ROR2: variants seen among roughly 807,000 people sequenced by gnomAD.
ROR2 encodes the protein tyrosine-protein kinase transmembrane receptor ROR2.
In ROR2, 33 loss-of-function variants were observed where a neutral mutation model predicts 74.9. The observed-to-expected ratio is 0.44, with a 90% CI of 0.33 to 0.59. ROR2 has a LOEUF of 0.59. Ranked by LOEUF, ROR2 falls within the 20% of genes least tolerant of loss-of-function variation. The pLI is 0.02. For synonymous variants in ROR2, 586 were observed against 558.7 expected (o/e 1.05, Z -0.69); for missense variants, 1,216 against 1,313.8 (o/e 0.93, Z 1.15).
chr9:91,910,473 A>G (rs1438823861), intron 1 of ROR2, among the ~76,000 whole-genome samples: 2 of 130,136 alleles, frequency 1.5e-5, no homozygotes, highest in African/African-American at 2.5e-5. Context: ...AAAAACAGAC[A>G]AACTGGACTA....
At chr9:91,863,780 T>C (rs1392281391) in intron 1 of ROR2, among the ~76,000 whole-genome samples, 1 of 151,988 alleles carries the variant, frequency 6.6e-6, no homozygotes, top group African/African-American at 2.4e-5. Context: ...CTATGACTGA[T>C]GGGCATGGTT....
intron 1 of ROR2, among the ~76,000 whole-genome samples, chr9:91,834,542 A>G (rs1172178466): frequency 6.6e-6 from 1 of 152,172 alleles, no homozygotes; most frequent in African/African-American, 2.4e-5. Context: ...AAAATACCCC[A>G]CCAGTCCCGT....
intron 2 of ROR2, among the ~76,000 whole-genome samples, chr9:91,763,530 AGT>A (rs1825975612): frequency 1.3e-5 from 2 of 152,206 alleles, no homozygotes; most frequent in Admixed American, 6.5e-5. Flanking sequence ...GCTGCGCTAC[AGT>A]TTTAGTTCGC....
chr9:91,762,447 T>A (rs1825942135), intron 2 of ROR2, among the ~76,000 whole-genome samples: 1 of 152,242 alleles, frequency 6.6e-6, no homozygotes, highest in Non-Finnish European at 1.5e-5. Context: ...TTTTGCCTAA[T>A]TGTTTTTTCA....
In ROR2 at chr9:91,723,796, C is replaced by A. The variant is rs202213533; in HGVS notation, c.2698G>T (p.Ala900Ser). ...GTGCTCTGGGCCCCATCTTCTGGGGCGTTCTGTGTGTCATCAGCGCCCTCT... is the reference window on the plus strand; with the variant it reads ...GTGCTCTGGGCCCCATCTTCTGGGGAGTTCTGTGTGTCATCAGCGCCCTCT... ...LSEGADDTQN[A>S]PEDGAQSTVQ... Residue 900 changes from alanine to serine, a missense_variant, in exon 9 of 9, where the codon GCC (alanine) becomes TCC (serine). Transcript: ENST00000375708. 6 of 1,613,774 alleles carry A rather than the reference C, an allele frequency of 3.7e-6. No individual in the cohort carries two copies. In the South Asian group the frequency reaches 6.6e-5, roughly 18 times the overall value.
intron 1 of ROR2, among the ~76,000 whole-genome samples, chr9:91,776,608 TG>T (rs1254472377): frequency 6.6e-6 from 1 of 152,118 alleles, no homozygotes; most frequent in Non-Finnish European, 1.5e-5. Flanking sequence ...GGAGGACGAG[TG>T]GTCCCATCAT....
At chr9:91,931,744 A>C (rs567981720) in intron 1 of ROR2, among the ~76,000 whole-genome samples, 1 of 152,352 alleles carries the variant, frequency 6.6e-6, no homozygotes, top group Admixed American at 6.5e-5. Context: ...AGAAGAAATA[A>C]AATTGAGATG....
intron 1 of ROR2, among the ~76,000 whole-genome samples, chr9:91,792,551 G>T (rs750435891): frequency 2.6e-5 from 4 of 152,048 alleles, no homozygotes; most frequent in Non-Finnish European, 5.9e-5. Flanking sequence ...CTTGTGATCC[G>T]CCCACCTTGG....
chr9:91,851,741 C>T (rs1829098922), intron 1 of ROR2, among the ~76,000 whole-genome samples: 1 of 152,066 alleles, frequency 6.6e-6, no homozygotes, highest in Admixed American at 6.6e-5. Flanking sequence ...CTTTGGGAGG[C>T]CGAAGCGGGC....
At chr9:91,756,543 C>T (rs1221236974) in intron 3 of ROR2, among the ~76,000 whole-genome samples, 2 of 151,926 alleles carry the variant, frequency 1.3e-5, no homozygotes, top group African/African-American at 4.8e-5. Flanking sequence ...TCATCGCACT[C>T]AGCTCTCTCC....
At chr9:91,847,636 C>T (rs557810856) in intron 1 of ROR2, among the ~76,000 whole-genome samples, 7 of 152,248 alleles carry the variant, frequency 4.6e-5, no homozygotes, top group Non-Finnish European at 1.0e-4. Flanking sequence ...CCTCCAGAGC[C>T]GCTTTTCTCA....
intron 1 of ROR2, among the ~76,000 whole-genome samples, chr9:91,786,626 T>C (rs10992106): frequency 0.09 from 13,667 of 152,102 alleles, 920 homozygotes; most frequent in East Asian, 0.29. Flanking sequence ...AGACTCCACT[T>C]GTGGAGCTCT....
At chr9:91,854,321 G>T (rs536186596) in intron 1 of ROR2, among the ~76,000 whole-genome samples, 3 of 152,308 alleles carry the variant, frequency 2.0e-5, no homozygotes, top group African/African-American at 4.8e-5. Context: ...GGAGTCAGCA[G>T]CCTGCAGGAG....
chr9:91,750,049 G>A (rs1029466658), intron 4 of ROR2, among the ~76,000 whole-genome samples: 16 of 152,144 alleles, frequency 1.1e-4, no homozygotes, highest in Admixed American at 2.0e-4. Flanking sequence ...TTACAGGCAT[G>A]TGCCACCATG....
At chr9:91,821,360 C>T (rs909544773) in intron 1 of ROR2, among the ~76,000 whole-genome samples, 18 of 152,156 alleles carry the variant, frequency 1.2e-4, no homozygotes, top group African/African-American at 4.1e-4. Context: ...TGCATTGCTT[C>T]GTTATTATTG....
At chr9:91,904,722 A>G (rs564795331) in intron 1 of ROR2, among the ~76,000 whole-genome samples, 1 of 152,188 alleles carries the variant, frequency 6.6e-6, no homozygotes, top group Non-Finnish European at 1.5e-5. Flanking sequence ...CCTGGCTCCT[A>G]CGCTCCACTG....
intron 1 of ROR2, among the ~76,000 whole-genome samples, chr9:91,901,722 G>A (rs11795130): frequency 0.58 from 86,966 of 151,034 alleles, 27,608 homozygotes; most frequent in African/African-American, 0.85. Context: ...AAGCTGAGGC[G>A]GGAGAACTGC....
At chr9:91,869,051 G>T (rs1054501343) in intron 1 of ROR2, among the ~76,000 whole-genome samples, 6 of 152,058 alleles carry the variant, frequency 3.9e-5, no homozygotes, top group African/African-American at 1.2e-4. Context: ...ACCTACACGT[G>T]AATATATTTT....
chr9:91,936,240 G>A (rs983164393), intron 1 of ROR2, among the ~76,000 whole-genome samples: 1 of 152,206 alleles, frequency 6.6e-6, no homozygotes, highest in Non-Finnish European at 1.5e-5. Context: ...GCCTCCTAGG[G>A]CTGCCGTAAC....
Sources: gnomAD v4.1 joint callset for allele counts (sites outside exome capture counted in the v4.1 genomes callset) on GRCh38, gnomAD v4.1.1 for gene constraint, MANE v1.5 for transcripts, NCBI Gene and HGNC (gene_info 2026-07-23, HGNC 2026-07-21) for gene names.